Variants in IL6R observed in about 807,000 individuals in gnomAD.
IL6R encodes interleukin-6 receptor subunit alpha.
IL6R carries 38 observed loss-of-function variants against 48.3 expected under a neutral mutation model. The ratio of observed to expected loss-of-function variants is 0.79; its 90% CI spans 0.61 to 1.03. The LOEUF (loss-of-function observed/expected upper bound fraction) is 1.03, where lower values mean the gene tolerates loss of function less well. IL6R is among the 50% of genes least tolerant of loss of function. The pLI is 0.00. For synonymous variants in IL6R, 264 were observed against 256.2 expected, an observed-to-expected ratio of 1.03 and a Z score of -0.29; for missense variants, 534 against 618.3, an observed-to-expected ratio of 0.86 and a Z score of 1.45.
intron 6 of IL6R, among the ~76,000 whole-genome samples, chr1:154,443,813 T>C (rs183025540): frequency 6.6e-6 from 1 of 152,196 alleles, no homozygotes; most frequent in Non-Finnish European, 1.5e-5. Flanking sequence ...TTTGGATTCA[T>C]GTCTTCAACT....
At chr1:154,447,058 T>C (rs892678978) in intron 6 of IL6R, among the ~76,000 whole-genome samples, 2 of 152,176 alleles carry the variant, frequency 1.3e-5, no homozygotes, top group Non-Finnish European at 2.9e-5. Flanking sequence ...GGAGGATCAC[T>C]GAAGCCCAGA....
At chr1:154,457,506 G>A (rs1431757523) in intron 9 of IL6R, among the ~76,000 whole-genome samples, 1 of 152,008 alleles carries the variant, frequency 6.6e-6, no homozygotes, top group Non-Finnish European at 1.5e-5. Flanking sequence ...CCATGGTTAG[G>A]AAATACTCAT....
intron 9 of IL6R, among the ~76,000 whole-genome samples, chr1:154,459,265 C>G (rs998732347): frequency 6.6e-6 from 1 of 152,206 alleles, no homozygotes; most frequent in African/African-American, 2.4e-5. Context: ...TGCTAAACAA[C>G]CAGAGTCCCT....
At chr1:154,418,434 TAAATACTGACTCAGAC>T in intron 1 of IL6R, 1 of 982,604 alleles carries the variant, frequency 1.0e-6, no homozygotes, top group Non-Finnish European at 1.2e-6. Context: ...AAGGCCAAGG[TAAATACTGACTCAGAC>T]AAATACAAGC....
At chr1:154,450,662 C>T (rs1690534149) in intron 8 of IL6R, among the ~76,000 whole-genome samples, 1 of 152,164 alleles carries the variant, frequency 6.6e-6, no homozygotes, top group Admixed American at 6.5e-5. Flanking sequence ...CTTTTGATTC[C>T]CTATCCCTGC....
chr1:154,418,484 A>C, intron 1 of IL6R: 3 of 860,590 alleles, frequency 3.5e-6, no homozygotes, highest in Non-Finnish European at 4.2e-6. Context: ...ACAAATACAT[A>C]TGTGGGGGAG....
chr1:154,458,139 T>G (rs978854634), intron 9 of IL6R, among the ~76,000 whole-genome samples: 14 of 151,766 alleles, frequency 9.2e-5, no homozygotes, highest in Non-Finnish European at 1.6e-4. Context: ...GCTAATTTTT[T>G]GTATTTTTTT....
intron 9 of IL6R, 91 bp downstream of exon 9, chr1:154,454,672 T>G: frequency 1.2e-6 from 1 of 849,816 alleles, no homozygotes; most frequent in Non-Finnish European, 2.0e-6. Flanking sequence ...GGTGCATTTA[T>G]TCATTCATTT....
At chr1:154,464,416 A>G (rs954666973) in intron 9 of IL6R, among the ~76,000 whole-genome samples, 22 of 151,962 alleles carry the variant, frequency 1.4e-4, no homozygotes, top group African/African-American at 1.7e-4. Flanking sequence ...CGGCCTCCCA[A>G]TGTGTGGGGA....
chr1:154,448,202 G>C, intron 7 of IL6R, 31 bp downstream of exon 7: 1 of 1,595,952 alleles, frequency 6.3e-7, no homozygotes, highest in Non-Finnish European at 8.6e-7. Context: ...AAGGGTCAGG[G>C]CTGCAGCACC....
intron 1 of IL6R, chr1:154,414,483 G>A: frequency 1.0e-6 from 1 of 973,838 alleles, no homozygotes. Flanking sequence ...TAGTTGTTGG[G>A]GCCCGGGACC....
At chr1:154,414,813 G>T in intron 1 of IL6R, 1 of 754,384 alleles carries the variant, frequency 1.3e-6, no homozygotes. Context: ...CCCGCTTCTG[G>T]GACAGCAGGA....
chr1:154,432,807 G>A (rs1689376727), intron 3 of IL6R, among the ~76,000 whole-genome samples: 1 of 152,210 alleles, frequency 6.6e-6, no homozygotes, highest in South Asian at 2.1e-4. Flanking sequence ...CAGGGGAAGT[G>A]GCTTCGAGAG....
intron 6 of IL6R, among the ~76,000 whole-genome samples, chr1:154,445,522 G>A (rs910143327): frequency 6.6e-6 from 1 of 152,106 alleles, no homozygotes; most frequent in Admixed American, 6.6e-5. Flanking sequence ...AGGCTGAGGC[G>A]GGCGGATCAC....
intron 9 of IL6R, among the ~76,000 whole-genome samples, chr1:154,463,975 G>A (rs1691400836): frequency 6.6e-6 from 1 of 152,096 alleles, no homozygotes; most frequent in Non-Finnish European, 1.5e-5. Flanking sequence ...GAGAACTGGG[G>A]AGGTCAGCAA....
At position 154,454,531 on chromosome 1, in the gene IL6R, T is replaced by C. The variant is rs369024419; in HGVS notation, c.1110T>C (p.Ala370=). Residue 370 remains alanine (A), a synonymous_variant, in exon 9 of 10, where the codon GCT becomes GCC. Transcript: ENST00000368485. Reference sequence around the variant, plus strand: ...TACCACTGCCCACATTCCTGGTTGCTGGAGGGAGCCTGGCCTTCGGAACGC... The same window carrying C: ...TACCACTGCCCACATTCCTGGTTGCCGGAGGGAGCCTGGCCTTCGGAACGC... The part of the protein sequence containing the change: ...SSVPLPTFLV[A]GGSLAFGTLL... The C allele has an allele frequency of 3.7e-6, 6 of 1,614,034 alleles. No homozygotes were observed. The highest frequency in any genetic ancestry group is 5.1e-6 in the Non-Finnish European group (6 of 1,179,910).
At chr1:154,449,327 C>G (rs1690456259) in intron 7 of IL6R, among the ~76,000 whole-genome samples, 1 of 151,974 alleles carries the variant, frequency 6.6e-6, no homozygotes, top group South Asian at 2.1e-4. Flanking sequence ...CCATCCTGAC[C>G]AACATGGAGA....
intron 1 of IL6R, among the ~76,000 whole-genome samples, chr1:154,420,596 G>T (rs1300827827): frequency 2.0e-5 from 3 of 151,550 alleles, no homozygotes; most frequent in African/African-American, 7.3e-5. Flanking sequence ...TCAGCTCACT[G>T]CAGCCTTCGA....
At chr1:154,460,203 AAAG>A (rs1460817352) in intron 9 of IL6R, among the ~76,000 whole-genome samples, 3 of 152,218 alleles carry the variant, frequency 2.0e-5, no homozygotes, top group African/African-American at 4.8e-5. Context: ...TCAAGGTGCA[AAAG>A]AAGGCAGCAG....
Sources: allele counts gnomAD v4.1 joint callset (sites outside exome capture counted in the v4.1 genomes callset), GRCh38; gene constraint gnomAD v4.1.1; transcripts MANE v1.5; gene names NCBI Gene and HGNC (gene_info 2026-07-23, HGNC 2026-07-21).